Variants in GABRA3 observed in about 807,000 individuals in gnomAD.
GABRA3 encodes the protein gamma-aminobutyric acid receptor subunit alpha-3.
In GABRA3, 10 loss-of-function variants were observed where a neutral mutation model predicts 30.1. The observed-to-expected ratio is 0.33, with a 90% confidence interval of 0.20 to 0.56. The LOEUF is 0.56. GABRA3 is among the 20% of genes least tolerant of loss of function. GABRA3 has a pLI of 0.89. For missense variants in GABRA3, 233 were observed against 392.0 expected, an observed-to-expected ratio of 0.59 and a Z score of 3.42; for synonymous variants, 151 against 146.8, an observed-to-expected ratio of 1.03 and a Z score of -0.21.
intron 9 of GABRA3, 82 bp downstream of exon 9, chrX:152,189,648 T>G (rs1158992401): frequency 2.5e-5 from 17 of 686,236 alleles, no homozygotes; most frequent in Non-Finnish European, 1.8e-5. Context: ...GCCCAGTTCT[T>G]GCAGGCTATA....
intron 1 of GABRA3, among the ~76,000 whole-genome samples, chrX:152,365,920 T>C (rs1013722489): frequency 1.8e-5 from 2 of 111,729 alleles, no homozygotes; most frequent in Non-Finnish European, 3.8e-5. Context: ...TAGTATTAGA[T>C]TGCACCATAT....
chrX:152,295,354 G>T (rs780081857), intron 3 of GABRA3, among the ~76,000 whole-genome samples: 16 of 112,956 alleles, frequency 1.4e-4, no homozygotes, highest in African/African-American at 4.5e-4. Flanking sequence ...GCTCCACCCA[G>T]TTCAAGCTTC....
At chrX:152,307,199 G>A (rs765722442) in intron 3 of GABRA3, among the ~76,000 whole-genome samples, 19 of 111,207 alleles carry the variant, frequency 1.7e-4, no homozygotes, top group Non-Finnish European at 3.0e-4. Flanking sequence ...CTGACCTCAC[G>A]GCCCTATTGT....
chrX:152,230,942 A>G (rs1420423475), intron 5 of GABRA3, among the ~76,000 whole-genome samples: 3 of 110,570 alleles, frequency 2.7e-5, no homozygotes, highest in Non-Finnish European at 5.7e-5. Flanking sequence ...AGAAAAAAAT[A>G]TGATAAATTA....
chrX:152,267,572 G>C (rs901992101), intron 4 of GABRA3, among the ~76,000 whole-genome samples: 3 of 111,254 alleles, frequency 2.7e-5, no homozygotes, highest in African/African-American at 6.5e-5. Context: ...TGAAGAGTTT[G>C]AGTGAATTGG....
At chrX:152,370,986 T>C (rs749078991) in intron 1 of GABRA3, among the ~76,000 whole-genome samples, 1 of 110,628 alleles carries the variant, frequency 9.0e-6, no homozygotes, top group African/African-American at 3.3e-5. Context: ...TTAAAATCAG[T>C]ATAATCATTG....
At chrX:152,256,020 A>G (rs754468671) in intron 4 of GABRA3, 22 bp from the exon 5 acceptor site, 2 of 1,124,561 alleles carry the variant, frequency 1.8e-6, no homozygotes, top group Non-Finnish European at 2.4e-6. Flanking sequence ...AAGAGAGAAA[A>G]CAATGTTTCA....
At chrX:152,339,013 T>C (rs1262339995) in intron 3 of GABRA3, among the ~76,000 whole-genome samples, 1 of 111,033 alleles carries the variant, frequency 9.0e-6, no homozygotes, top group Non-Finnish European at 1.9e-5. Context: ...CTATTTGGGG[T>C]CTCTTGTCAT....
At chrX:152,324,490 A>G (rs1448217847) in intron 3 of GABRA3, among the ~76,000 whole-genome samples, 5 of 112,130 alleles carry the variant, frequency 4.5e-5, no homozygotes, top group African/African-American at 1.3e-4. Flanking sequence ...GACAGACTAT[A>G]TCATGTGTCC....
At chrX:152,274,627 A>G (rs1939009175) in intron 4 of GABRA3, among the ~76,000 whole-genome samples, 1 of 111,376 alleles carries the variant, frequency 9.0e-6, no homozygotes, top group African/African-American at 3.3e-5. Flanking sequence ...AAATGTTTAC[A>G]TATGAAATCT....
At chrX:152,277,479 CT>C (rs762232358) in intron 4 of GABRA3, among the ~76,000 whole-genome samples, 1 of 111,170 alleles carries the variant, frequency 9.0e-6, no homozygotes, top group East Asian at 2.8e-4. Flanking sequence ...ATTTTCCCCC[CT>C]GATTATCCAC....
At chrX:152,370,825 A>G (rs1016752744) in intron 1 of GABRA3, among the ~76,000 whole-genome samples, 2 of 110,610 alleles carry the variant, frequency 1.8e-5, no homozygotes, top group Non-Finnish European at 3.8e-5. Context: ...TAGCACCTTC[A>G]TACTGTCAAT....
chrX:152,366,632 A>C (rs1027691919), intron 1 of GABRA3, among the ~76,000 whole-genome samples: 1 of 112,557 alleles, frequency 8.9e-6, no homozygotes, highest in Admixed American at 9.4e-5. Context: ...ATGAAATCAT[A>C]ACTAAATAAA....
At chrX:152,341,403 A>G (rs1940310318) in intron 3 of GABRA3, among the ~76,000 whole-genome samples, 1 of 110,725 alleles carries the variant, frequency 9.0e-6, no homozygotes. Flanking sequence ...AAGTAGTGGG[A>G]TTACTGGATC....
intron 1 of GABRA3, among the ~76,000 whole-genome samples, chrX:152,373,581 C>T (rs1400911215): frequency 1.8e-5 from 2 of 111,720 alleles, no homozygotes; most frequent in Non-Finnish European, 3.8e-5. Context: ...GCCATTCTGA[C>T]TGGCGTAAGA....
chrX:152,236,542 C>T (rs1204646745), intron 5 of GABRA3, among the ~76,000 whole-genome samples: 62 of 94,937 alleles, frequency 6.5e-4, no homozygotes, highest in Middle Eastern at 0.011. Flanking sequence ...ATGGTATTTC[C>T]AGTTCTAGAT....
intron 3 of GABRA3, among the ~76,000 whole-genome samples, chrX:152,308,451 C>T (rs1259433819): frequency 8.9e-6 from 1 of 112,140 alleles, no homozygotes; most frequent in East Asian, 2.8e-4. Context: ...CCAGCAGGTA[C>T]ATAAGCTTGA....
chrX:152,245,376 A>G (rs1417690845), intron 5 of GABRA3, among the ~76,000 whole-genome samples: 1 of 111,448 alleles, frequency 9.0e-6, no homozygotes, highest in Non-Finnish European at 1.9e-5. Flanking sequence ...TCAGTACAGC[A>G]TGAGTCACTT....
At chrX:152,404,231 T>G (rs1159593101) in intron 1 of GABRA3, among the ~76,000 whole-genome samples, 1 of 111,309 alleles carries the variant, frequency 9.0e-6, no homozygotes, top group Non-Finnish European at 1.9e-5. Flanking sequence ...TTTTTACAAT[T>G]AAAACTCTAG....
Sources: allele counts gnomAD v4.1 joint callset (sites outside exome capture counted in the v4.1 genomes callset), GRCh38; gene constraint gnomAD v4.1.1; transcripts MANE v1.5; gene names NCBI Gene and HGNC (gene_info 2026-07-23, HGNC 2026-07-21).